Variants in TBC1D5 observed in about 807,000 individuals in gnomAD.
TBC1D5 encodes TBC1 domain family member 5, also known as TBC1 domain family, member 5.
A neutral mutation model predicts 100.3 loss-of-function variants in TBC1D5; 75 were observed. The observed-to-expected ratio is 0.75, with a 90% confidence interval of 0.62 to 0.91. TBC1D5 has a LOEUF of 0.91. Among genes scored for constraint, TBC1D5 ranks in the 40% least tolerant of loss-of-function variants. TBC1D5 has a pLI of 0.00. For synonymous variants in TBC1D5, 323 were observed against 325.6 expected, an observed-to-expected ratio of 0.99 and a Z score of 0.09; for missense variants, 910 against 942.4, an observed-to-expected ratio of 0.97 and a Z score of 0.45.
intron 1 of TBC1D5, among the ~76,000 whole-genome samples, chr3:17,664,593 A>T (rs1182093934): frequency 6.6e-6 from 1 of 152,214 alleles, no homozygotes; most frequent in Non-Finnish European, 1.5e-5. Flanking sequence ...ACAGACAAAA[A>T]GAGAGGCAGA....
intron 2 of TBC1D5, among the ~76,000 whole-genome samples, chr3:17,529,327 A>G (rs1489088163): frequency 6.6e-6 from 1 of 152,164 alleles, no homozygotes; most frequent in African/African-American, 2.4e-5. Context: ...TTCAGCTTGC[A>G]ATATCTCTGT....
intron 13 of TBC1D5, among the ~76,000 whole-genome samples, chr3:17,354,052 A>G (rs1452504305): frequency 6.6e-6 from 1 of 152,130 alleles, no homozygotes; most frequent in East Asian, 1.9e-4. Context: ...GTACATAAAA[A>G]AAGACACGGT....
At chr3:17,203,138 T>C (rs1476027520) in intron 18 of TBC1D5, among the ~76,000 whole-genome samples, 4 of 152,184 alleles carry the variant, frequency 2.6e-5, no homozygotes, top group African/African-American at 4.8e-5. Flanking sequence ...CCCCAAGGCC[T>C]TGGAAGCCCA....
At chr3:17,616,781 T>C (rs1439271407) in intron 2 of TBC1D5, among the ~76,000 whole-genome samples, 5 of 152,184 alleles carry the variant, frequency 3.3e-5, no homozygotes, top group Admixed American at 3.3e-4. Context: ...CCTATGTGTG[T>C]CTCTGCACCT....
chr3:17,498,476 G>C (rs2095743872), intron 3 of TBC1D5, among the ~76,000 whole-genome samples: 1 of 152,118 alleles, frequency 6.6e-6, no homozygotes, highest in Non-Finnish European at 1.5e-5. Context: ...CGTCTTTTAA[G>C]AACAGAACAA....
chr3:17,457,942 G>A (rs560936594), intron 3 of TBC1D5, among the ~76,000 whole-genome samples: 4 of 152,256 alleles, frequency 2.6e-5, no homozygotes, highest in African/African-American at 9.6e-5. Flanking sequence ...ATTCCTAAAT[G>A]ATACCTTATA....
intron 4 of TBC1D5, among the ~76,000 whole-genome samples, chr3:17,422,234 T>A (rs1280241305): frequency 1.3e-5 from 2 of 152,192 alleles, no homozygotes; most frequent in East Asian, 3.8e-4. Flanking sequence ...AGTGGTGCGA[T>A]CTTGGCTCAC....
At chr3:17,709,358 A>AT (rs2074488584) in intron 1 of TBC1D5, among the ~76,000 whole-genome samples, 1 of 152,218 alleles carries the variant, frequency 6.6e-6, no homozygotes, top group African/African-American at 2.4e-5. Flanking sequence ...GACTCTAAAA[A>AT]TGGAGTCAGA....
chr3:17,727,125 GT>G (rs1371913379), intron 1 of TBC1D5, among the ~76,000 whole-genome samples: 1 of 152,238 alleles, frequency 6.6e-6, no homozygotes, highest in Non-Finnish European at 1.5e-5. Context: ...GCTCATGCCT[GT>G]AATCCTAGCA....
intron 18 of TBC1D5, among the ~76,000 whole-genome samples, chr3:17,207,127 A>G (rs1420389656): frequency 2.0e-5 from 3 of 152,132 alleles, no homozygotes; most frequent in Non-Finnish European, 4.4e-5. Context: ...TTTTGTAGAC[A>G]TGGAGTCTCA....
intron 13 of TBC1D5, among the ~76,000 whole-genome samples, chr3:17,313,483 C>T (rs2084288417): frequency 6.6e-6 from 1 of 152,102 alleles, no homozygotes. Flanking sequence ...AATAAATTTT[C>T]TAAAATTGCA....
chr3:17,735,841 A>C (rs544942268), intron 1 of TBC1D5, among the ~76,000 whole-genome samples: 2 of 152,314 alleles, frequency 1.3e-5, no homozygotes, highest in African/African-American at 4.8e-5. Context: ...TGGCGAGCGA[A>C]AGCTCAGCTC....
intron 16 of TBC1D5, among the ~76,000 whole-genome samples, chr3:17,254,212 T>G (rs2077425622): frequency 6.6e-6 from 1 of 152,230 alleles, no homozygotes; most frequent in African/African-American, 2.4e-5. Flanking sequence ...TATGTGTTTT[T>G]ATTTCCCTCG....
intron 21 of TBC1D5, among the ~76,000 whole-genome samples, chr3:17,161,779 T>C (rs2066083590): frequency 6.6e-6 from 1 of 152,246 alleles, no homozygotes; most frequent in African/African-American, 2.4e-5. Flanking sequence ...GTGATTCTAT[T>C]ACTGGCTAGA....
At chr3:17,198,065 C>A (rs2070955764) in intron 18 of TBC1D5, among the ~76,000 whole-genome samples, 1 of 152,170 alleles carries the variant, frequency 6.6e-6, no homozygotes, top group African/African-American at 2.4e-5. Context: ...CTGAAGACGA[C>A]TGTTCAATGA....
rs532830798 is a variant in TBC1D5 at position 17,211,406 on chromosome 3, T to C, written c.1752+2801A>G. Among the ~76,000 whole-genome samples the C allele has an allele frequency of 9.8e-5, 15 of 152,344 alleles. No homozygotes were observed. The South Asian group carries it at 2.7e-3, about 27-fold the overall frequency. Reference sequence around the variant, plus strand: ...GCATTTAAGTATATTCATTACCCCTTTTCCAGTAGGGTGGTTCACATTGGA... The same window carrying C: ...GCATTTAAGTATATTCATTACCCCTCTTCCAGTAGGGTGGTTCACATTGGA... On this transcript the variant is annotated intron_variant, in intron 18 of 21. Coordinates refer to ENST00000253692, the Ensembl canonical transcript of TBC1D5.
chr3:17,733,016 T>G (rs1456202588), intron 1 of TBC1D5, among the ~76,000 whole-genome samples: 2 of 152,032 alleles, frequency 1.3e-5, no homozygotes, highest in Non-Finnish European at 2.9e-5. Flanking sequence ...CTGATCAAAG[T>G]AGAAAGGAGG....
chr3:17,364,702 A>G (rs2091987528), intron 13 of TBC1D5, among the ~76,000 whole-genome samples: 2 of 152,146 alleles, frequency 1.3e-5, no homozygotes, highest in African/African-American at 4.8e-5. Context: ...TAGTACCATA[A>G]CTAACGTTTG....
intron 13 of TBC1D5, among the ~76,000 whole-genome samples, chr3:17,358,296 T>C (rs2091404497): frequency 6.6e-6 from 1 of 152,180 alleles, no homozygotes; most frequent in Non-Finnish European, 1.5e-5. Context: ...GTGATTCTCC[T>C]GCCTCAGCCT....
Sources: gnomAD v4.1 joint callset for allele counts (sites outside exome capture counted in the v4.1 genomes callset) on GRCh38, gnomAD v4.1.1 for gene constraint, MANE v1.5 for transcripts, NCBI Gene and HGNC (gene_info 2026-07-23, HGNC 2026-07-21) for gene names.